GABBR2: variants seen among roughly 807,000 people sequenced by gnomAD.
The protein encoded by GABBR2 is G-protein coupled receptor 51.
Under a neutral mutation model 105.6 loss-of-function variants are expected in GABBR2, and 23 were observed. That is an observed-to-expected ratio of 0.22 (90% CI 0.16 to 0.31). The LOEUF is 0.31. Among genes scored for constraint, GABBR2 ranks in the 10% least tolerant of loss-of-function variants. GABBR2 has a pLI of 1.00. For synonymous variants in GABBR2, 478 were observed against 499.7 expected (o/e 0.96, Z 0.58); for missense variants, 734 against 1,245.5 (o/e 0.59, Z 6.18).
intron 1 of GABBR2, among the ~76,000 whole-genome samples, chr9:98,658,389 TTGAATGAATGAA>T (rs3032163): frequency 2.6e-4 from 39 of 149,704 alleles, no homozygotes; most frequent in Admixed American, 4.7e-4. Context: ...AGCCACTGTG[TTGAATGAATGAA>T]TGAATGAATG....
chr9:98,385,824 C>A, intron 10 of GABBR2, 52 bp from the exon 11 acceptor site: 1 of 1,445,860 alleles, frequency 6.9e-7, no homozygotes, highest in South Asian at 1.1e-5. Context: ...TTTAGTTATT[C>A]CTTCAACAGG....
At chr9:98,505,278 G>A (rs754231244) in intron 3 of GABBR2, among the ~76,000 whole-genome samples, 7 of 152,174 alleles carry the variant, frequency 4.6e-5, no homozygotes, top group African/African-American at 9.7e-5. Context: ...AAATAAGTTC[G>A]CTCTTAATCA....
At chr9:98,550,897 T>C (rs926170047) in intron 2 of GABBR2, among the ~76,000 whole-genome samples, 1 of 152,068 alleles carries the variant, frequency 6.6e-6, no homozygotes, top group Non-Finnish European at 1.5e-5. Flanking sequence ...TCCTTTGCAA[T>C]CTTCCTGGGG....
At chr9:98,322,069 T>TC (rs1479996056) in intron 13 of GABBR2, among the ~76,000 whole-genome samples, 1 of 151,902 alleles carries the variant, frequency 6.6e-6, no homozygotes, top group African/African-American at 2.4e-5. Flanking sequence ...GCTGAATTGC[T>TC]CCCCCATCAT....
intron 3 of GABBR2, among the ~76,000 whole-genome samples, chr9:98,512,754 C>G (rs377534224): frequency 5.1e-4 from 77 of 151,944 alleles, no homozygotes; most frequent in South Asian, 6.3e-4. Flanking sequence ...TGAAATAAAA[C>G]AGGATACAAA....
intron 1 of GABBR2, among the ~76,000 whole-genome samples, chr9:98,639,115 T>C (rs1411732347): frequency 2.0e-5 from 3 of 152,224 alleles, no homozygotes; most frequent in African/African-American, 7.2e-5. Flanking sequence ...GGTTTCTCCA[T>C]ACCCCTCACC....
chr9:98,363,167 T>C (rs1010610644), intron 12 of GABBR2, among the ~76,000 whole-genome samples: 3 of 152,210 alleles, frequency 2.0e-5, no homozygotes, highest in African/African-American at 7.2e-5. Context: ...ATTCTTTCTA[T>C]TTGGCAAACT....
intron 4 of GABBR2, among the ~76,000 whole-genome samples, chr9:98,492,188 C>T (rs1298250425): frequency 1.3e-5 from 2 of 151,602 alleles, no homozygotes; most frequent in Non-Finnish European, 2.9e-5. Context: ...TCTCTTTTCA[C>T]CAGTTATGCT....
chr9:98,621,345 C>T (rs1195681484), intron 1 of GABBR2, among the ~76,000 whole-genome samples: 2 of 152,174 alleles, frequency 1.3e-5, no homozygotes, highest in African/African-American at 2.4e-5. Context: ...GTATCCATGG[C>T]ATCCACATCG....
intron 1 of GABBR2, among the ~76,000 whole-genome samples, chr9:98,644,050 A>G (rs1454852119): frequency 1.3e-5 from 2 of 152,198 alleles, no homozygotes; most frequent in Non-Finnish European, 2.9e-5. Context: ...TACAACCCAG[A>G]ATACCATCCA....
intron 12 of GABBR2, among the ~76,000 whole-genome samples, chr9:98,369,211 G>A (rs553438571): frequency 4.6e-5 from 7 of 152,296 alleles, no homozygotes; most frequent in Admixed American, 3.9e-4. Context: ...GCCCAGAGAC[G>A]GCCCCTCCAT....
intron 1 of GABBR2, chr9:98,607,000 C>A: frequency 1.1e-6 from 1 of 916,064 alleles, no homozygotes; most frequent in Non-Finnish European, 1.8e-6. Context: ...CGCTCGGTAG[C>A]TCAACAGAAG....
intron 6 of GABBR2, among the ~76,000 whole-genome samples, chr9:98,465,136 A>AAAAAAAAAAAAAAAAAAAAT (rs1305440870): frequency 6.7e-6 from 1 of 149,298 alleles, no homozygotes; most frequent in East Asian, 1.9e-4. Context: ...AAAAAAAAAA[A>AAAAAAAAAAAAAAAAAAAAT]AAAAAAAAAA....
chr9:98,389,122 CATCT>C (rs1832133554), intron 9 of GABBR2, 118 bp from the exon 10 acceptor site: 1 of 798,668 alleles, frequency 1.3e-6, no homozygotes, highest in Non-Finnish European at 2.0e-6. Flanking sequence ...ACACAAGGCA[CATCT>C]ATCTACCGGG....
rs1263069525 is a variant in GABBR2, at chr9:98,371,457, T to C, written c.1770+7A>G. 5.1e-6 allele frequency: 7 copies of C among 1,380,054 alleles called. No homozygotes were observed. Among genetic ancestry groups the C allele is most frequent in the Admixed American group, 3.4e-5 (2 of 59,660 alleles). 85.5% of individuals were successfully genotyped at this position (1,380,054 alleles called of 1,614,324 possible). On this transcript the variant is annotated splice_region_variant and intron_variant, in intron 12 of 18. Transcript: ENST00000259455. ...CTAATACCCTGAAACAGAAGGAGAG[T>C]GATTACCTTCTTCTTCATTTTCACA...
At chr9:98,666,465 T>C (rs1830335607) in intron 1 of GABBR2, among the ~76,000 whole-genome samples, 1 of 152,226 alleles carries the variant, frequency 6.6e-6, no homozygotes, top group South Asian at 2.1e-4. Flanking sequence ...CATGGAACTA[T>C]TTTATGCCTG....
At chr9:98,370,865 G>A (rs974945957) in intron 12 of GABBR2, among the ~76,000 whole-genome samples, 4 of 152,140 alleles carry the variant, frequency 2.6e-5, no homozygotes, top group Non-Finnish European at 5.9e-5. Flanking sequence ...GCGGTCCACG[G>A]TGTGAAGGCT....
intron 1 of GABBR2, among the ~76,000 whole-genome samples, chr9:98,595,230 G>C (rs1230435924): frequency 6.6e-6 from 1 of 151,994 alleles, no homozygotes; most frequent in Non-Finnish European, 1.5e-5. Context: ...TGGTGGGAGG[G>C]GAGAACAAGC....
At chr9:98,534,733 T>C (rs998811822) in intron 3 of GABBR2, among the ~76,000 whole-genome samples, 10 of 152,164 alleles carry the variant, frequency 6.6e-5, no homozygotes, top group Admixed American at 3.3e-4. Flanking sequence ...TACCAAATAC[T>C]GGAGAGGATG....
Sources: allele counts gnomAD v4.1 joint callset (sites outside exome capture counted in the v4.1 genomes callset), GRCh38; gene constraint gnomAD v4.1.1; transcripts MANE v1.5; gene names NCBI Gene and HGNC (gene_info 2026-07-23, HGNC 2026-07-21).